Variants in DTNB observed in about 807,000 individuals in gnomAD.
DTNB encodes the protein DTN-B.
A neutral mutation model predicts 90.7 loss-of-function variants in DTNB; 63 were observed. The observed-to-expected ratio is 0.69, with a 90% CI of 0.57 to 0.86. The LOEUF is 0.86. DTNB is among the 40% of genes least tolerant of loss of function. DTNB has a pLI of 0.00. For synonymous variants in DTNB, 277 were observed against 286.7 expected (o/e 0.97, Z 0.34); for missense variants, 744 against 807.1 (o/e 0.92, Z 0.95).
chr2:25,383,802 A>C lies in DTNB; in HGVS notation c.1879+34T>G, dbSNP rs763444605. ...GCTGATCCATGAGCTCGGGCTCCCC[A>C]TTTAAACGAGCAGTCCTGCTGAGCT... On this transcript the variant is annotated intron_variant, in intron 19 of 20. Transcript: ENST00000406818. 7 of 1,613,934 alleles carry C rather than the reference A, an allele frequency of 4.3e-6. No individual in the cohort carries two copies. In the East Asian group the frequency reaches 1.6e-4, roughly 36 times the overall value.
intron 5 of DTNB, among the ~76,000 whole-genome samples, chr2:25,600,957 A>G (rs1306142096): frequency 3.3e-5 from 5 of 152,232 alleles, no homozygotes; most frequent in Non-Finnish European, 1.5e-5. Flanking sequence ...ATTTGCTTTA[A>G]TGAGACATAC....
intron 8 of DTNB, among the ~76,000 whole-genome samples, chr2:25,560,218 G>C (rs1359005908): frequency 6.6e-6 from 1 of 152,222 alleles, no homozygotes; most frequent in Non-Finnish European, 1.5e-5. Context: ...ACTCCAGCCT[G>C]GGTGACAAAG....
At chr2:25,589,427 C>T (rs993733429) in intron 6 of DTNB, among the ~76,000 whole-genome samples, 2 of 118,502 alleles carry the variant, frequency 1.7e-5, no homozygotes, top group African/African-American at 6.7e-5. Flanking sequence ...GTCGCCCAGG[C>T]TGGAGTGCTG....
chr2:25,637,734 A>T (rs1419321055), intron 3 of DTNB, among the ~76,000 whole-genome samples: 7 of 152,212 alleles, frequency 4.6e-5, no homozygotes, highest in Admixed American at 4.6e-4. Flanking sequence ...GATGTGGAGA[A>T]ATAGGAACAC....
rs2054355333 is a variant in DTNB, at chr2:25,432,806, A to AT, written c.1457+79_1457+80insA. 25 of 1,387,010 alleles carry AT rather than the reference A, an allele frequency of 1.8e-5. No homozygotes were observed. The South Asian group carries it at 2.8e-4, about 16-fold the overall frequency. 85.9% of individuals were successfully genotyped at this position (1,387,010 alleles called of 1,614,324 possible). ...TTGTTTATACTGAACAACAGATTCT[A>AT]CCCCACTCCTTTGGTTTCCTCAGAT... is the stretch of plus-strand genomic sequence containing the variant. On this transcript the variant is annotated intron_variant, in intron 14 of 20. Coordinates refer to ENST00000406818, the MANE Select transcript of DTNB (RefSeq NM_021907.5).
Position 25,496,895 on chromosome 2 carries a change from T to A in DTNB, c.1002-14022A>T, listed in dbSNP as rs144693479. 3.9e-3 allele frequency among the ~76,000 whole-genome samples: 583 copies of A among 151,228 alleles called. 3 individuals are homozygous for A. Among genetic ancestry groups the A allele is most frequent in the African/African-American group, 0.013 (547 of 41,216 alleles). On this transcript the variant is annotated intron_variant, in intron 9 of 20. Transcript: ENST00000406818. The stretch of plus-strand genomic sequence containing the variant: ...GGCTGCCCATTTAATAGAAACTCCC[T>A]GGGAAGTTCTAGGGGCTCTAGCATC...
intron 9 of DTNB, among the ~76,000 whole-genome samples, chr2:25,483,337 C>T (rs559177781): frequency 6.6e-6 from 1 of 152,298 alleles, no homozygotes; most frequent in African/African-American, 2.4e-5. Flanking sequence ...GTCACAACAT[C>T]GAGGTGCATG....
At position 25,424,233 on chromosome 2, in the gene DTNB, A is replaced by T. The variant is rs2050751860; in HGVS notation, c.1554+3302T>A. On this transcript the variant is annotated intron_variant, in intron 15 of 20. Coordinates refer to ENST00000406818, the MANE Select transcript of DTNB (RefSeq NM_021907.5). The surrounding 1 kb of genome is among the most constrained non-coding windows in gnomAD (Gnocchi z 4.1). ...TCTTCCTCCCAGTCTGAACAGCCTT[A>T]GCCTGTCAGACGGGTAAATGATATT... is the stretch of plus-strand genomic sequence containing the variant. Among the ~76,000 whole-genome samples, 1 of 152,214 alleles carries T rather than the reference A, an allele frequency of 6.6e-6. No homozygotes were observed. Among genetic ancestry groups the T allele is most frequent in the Non-Finnish European group, 1.5e-5 (1 of 68,034 alleles).
At chr2:25,663,429 T>C (rs909928235) in intron 1 of DTNB, among the ~76,000 whole-genome samples, 1 of 152,216 alleles carries the variant, frequency 6.6e-6, no homozygotes, top group African/African-American at 2.4e-5. Flanking sequence ...ATATACCCAG[T>C]AATGGGATTG....
intron 9 of DTNB, among the ~76,000 whole-genome samples, 188 bp from the exon 10 acceptor site, chr2:25,483,061 G>A (rs1458366646): frequency 6.6e-6 from 1 of 151,588 alleles, no homozygotes; most frequent in Non-Finnish European, 1.5e-5. Context: ...ATGGAGGGGG[G>A]GAACCCTTGG....
intron 9 of DTNB, among the ~76,000 whole-genome samples, chr2:25,524,189 C>A (rs2150834313): frequency 6.6e-6 from 1 of 152,184 alleles, no homozygotes; most frequent in Middle Eastern, 3.4e-3. Flanking sequence ...GCATGAGCCA[C>A]CGTGCCCGGC....
chr2:25,531,291 C>A (rs2078124323), intron 9 of DTNB, among the ~76,000 whole-genome samples, 182 bp downstream of exon 9: 1 of 152,184 alleles, frequency 6.6e-6, no homozygotes, highest in Non-Finnish European at 1.5e-5. Flanking sequence ...GCTAGATTTC[C>A]ATGTGGACAC....
In DTNB at chr2:25,383,715, C is replaced by T. The variant is rs762569370; in HGVS notation, c.1879+121G>A. 1.2e-4 allele frequency: 190 copies of T among 1,592,794 alleles called. No homozygotes were observed. In the Admixed American group the frequency reaches 2.1e-3, roughly 18 times the overall value. On this transcript the variant is annotated intron_variant, in intron 19 of 20. Coordinates refer to ENST00000406818, the MANE Select transcript of DTNB (RefSeq NM_021907.5). ...ATGGGAAAAGTAGGTACAGGGACCT[C>T]GGGTCCGAAAGCTCTGGGAAAGGTG...
chr2:25,597,769 G>A (rs1413398071), intron 5 of DTNB, among the ~76,000 whole-genome samples: 1 of 152,174 alleles, frequency 6.6e-6, no homozygotes, highest in Non-Finnish European at 1.5e-5. Flanking sequence ...TGGTCCAAGT[G>A]CAAGCGCTCT....
chr2:25,521,801 G>A (rs1227937027), intron 9 of DTNB, among the ~76,000 whole-genome samples: 3 of 152,200 alleles, frequency 2.0e-5, no homozygotes, highest in Non-Finnish European at 4.4e-5. Context: ...AGATCATGAG[G>A]GACAGGTTGG....
intron 19 of DTNB, among the ~76,000 whole-genome samples, chr2:25,380,410 TC>T (rs2037315583): frequency 6.6e-6 from 1 of 152,204 alleles, no homozygotes; most frequent in African/African-American, 2.4e-5. Flanking sequence ...CGTTGTAGTT[TC>T]AGGGACATAT....
At chr2:25,527,608 GAC>G (rs1248804881) in intron 9 of DTNB, among the ~76,000 whole-genome samples, 1 of 151,878 alleles carries the variant, frequency 6.6e-6, no homozygotes, top group Non-Finnish European at 1.5e-5. Flanking sequence ...GACTTACAAA[GAC>G]AATAAAATAT....
intron 1 of DTNB, among the ~76,000 whole-genome samples, chr2:25,669,226 T>C (rs1002532835): frequency 6.6e-6 from 1 of 152,208 alleles, no homozygotes; most frequent in Non-Finnish European, 1.5e-5. Context: ...ATGTATTTCA[T>C]GCTACAGAAC....
chr2:25,547,418 G>C (rs546836476), intron 8 of DTNB, among the ~76,000 whole-genome samples: 1 of 148,118 alleles, frequency 6.8e-6, no homozygotes, highest in South Asian at 2.1e-4. Context: ...TCCGCCTCCC[G>C]ATTCAAGGAA....
Sources: allele counts gnomAD v4.1 joint callset (sites outside exome capture counted in the v4.1 genomes callset), GRCh38; gene constraint gnomAD v4.1.1; non-coding constraint Gnocchi (gnomAD v3.1); transcripts MANE v1.5; gene names NCBI Gene and HGNC (gene_info 2026-07-23, HGNC 2026-07-21).